PTH2R: variants seen among roughly 807,000 people sequenced by gnomAD.
The protein encoded by PTH2R is PTH2 receptor.
A neutral mutation model predicts 60.3 loss-of-function variants in PTH2R; 59 were observed. The ratio of observed to expected loss-of-function variants is 0.98; its 90% confidence interval spans 0.79 to 1.22. The LOEUF (loss-of-function observed/expected upper bound fraction) is 1.22, where lower values mean the gene tolerates loss of function less well. Ranked by LOEUF, PTH2R falls within the 50% of genes most tolerant of loss-of-function variation. The pLI, the probability that PTH2R is intolerant of heterozygous loss-of-function variation, is 0.00. For missense variants in PTH2R, 749 were observed against 682.6 expected (o/e 1.10, Z -1.08); for synonymous variants, 256 against 243.8 (o/e 1.05, Z -0.47).
At chr2:208,417,694 C>T (rs1333433993) in intron 1 of PTH2R, among the ~76,000 whole-genome samples, 2 of 151,822 alleles carry the variant, frequency 1.3e-5, no homozygotes, top group African/African-American at 4.8e-5. Flanking sequence ...GGATTATGGG[C>T]ACATGCCACC....
chr2:208,430,482 C>A (rs1701947238), intron 2 of PTH2R, among the ~76,000 whole-genome samples: 1 of 150,188 alleles, frequency 6.7e-6, no homozygotes, highest in African/African-American at 2.4e-5. Context: ...TTCTAGCTTC[C>A]ATTGTTATTA....
chr2:208,407,653 T>G (rs1701445005), intron 1 of PTH2R, among the ~76,000 whole-genome samples: 1 of 152,266 alleles, frequency 6.6e-6, no homozygotes, highest in African/African-American at 2.4e-5. Context: ...TGTTAAGCGG[T>G]GGCTGTCACT....
At position 208,381,914 on chromosome 2, in the gene PTH2R, C is replaced by G. The variant is rs556515077; in HGVS notation, c.-259+21677C>G. On this transcript the variant is annotated intron_variant, in intron 1 of 12. Coordinates refer to the PTH2R transcript ENST00000617735. ...ATATCTGCACATTTGATTCTTGGAC[C>G]CTGGGTAGGAATTTGTTAGAGAGCA... is the stretch of plus-strand genomic sequence containing the variant. Among the ~76,000 whole-genome samples the G allele has an allele frequency of 3.9e-5, 6 of 152,040 alleles. No individual in the cohort carries two copies. The South Asian group carries it at 1.2e-3, about 32-fold the overall frequency.
chr2:208,453,429 C>T (rs1204926703), intron 8 of PTH2R, among the ~76,000 whole-genome samples: 1 of 152,154 alleles, frequency 6.6e-6, no homozygotes, highest in African/African-American at 2.4e-5. Flanking sequence ...TATCAAATTC[C>T]TGCAGCATTT....
At position 208,424,328 on chromosome 2, in the gene PTH2R, G is replaced by C. The variant is rs1340390336; in HGVS notation, c.76-3873G>C. Among the ~76,000 whole-genome samples, 3 of 152,316 alleles carry C rather than the reference G, an allele frequency of 2.0e-5. No individual in the cohort carries two copies. The East Asian group carries it at 5.8e-4, about 29-fold the overall frequency. On this transcript the variant is annotated intron_variant, in intron 1 of 12. Coordinates refer to ENST00000272847, the MANE Select transcript of PTH2R (RefSeq NM_005048.4). ...TTGGGTTGGGTTTGTGAGACAGCAT[G>C]TCAGGCAAGTGTTCTTGTATAAGTG...
chr2:208,366,348 A>G (rs1485647328), intron 1 of PTH2R, among the ~76,000 whole-genome samples: 1 of 152,080 alleles, frequency 6.6e-6, no homozygotes, highest in African/African-American at 2.4e-5. Context: ...GTCTTCTCTT[A>G]TAATCCTTTC....
At chr2:208,468,510 C>T (rs1284021347) in intron 9 of PTH2R, among the ~76,000 whole-genome samples, 1 of 152,188 alleles carries the variant, frequency 6.6e-6, no homozygotes, top group African/African-American at 2.4e-5. Flanking sequence ...CTCACTGATG[C>T]TTGTGCCTCT....
intron 1 of PTH2R, among the ~76,000 whole-genome samples, chr2:208,409,279 A>G (rs1036206010): frequency 1.3e-5 from 2 of 152,178 alleles, no homozygotes; most frequent in Non-Finnish European, 2.9e-5. Flanking sequence ...CAAAAGAGTC[A>G]TATTGGGCTA....
chr2:208,420,309 A>G (rs1282931607), intron 1 of PTH2R, among the ~76,000 whole-genome samples: 1 of 152,162 alleles, frequency 6.6e-6, no homozygotes, highest in East Asian at 1.9e-4. Context: ...AGAAAAAAAA[A>G]GTGAAGTCAA....
At chr2:208,362,956 A>G (rs1001907759) in intron 1 of PTH2R, among the ~76,000 whole-genome samples, 1 of 151,950 alleles carries the variant, frequency 6.6e-6, no homozygotes, top group African/African-American at 2.4e-5. Flanking sequence ...ATCCTTCCAT[A>G]TGCTTGTTGG....
At chr2:208,426,909 T>C (rs10208063) in intron 1 of PTH2R, among the ~76,000 whole-genome samples, 1,783 of 152,288 alleles carry the variant, frequency 0.012, 42 homozygotes, top group African/African-American at 0.041. Context: ...TTTAGCACAT[T>C]CTGATCATAC....
At chr2:208,471,686 T>A (rs912066248) in intron 9 of PTH2R, among the ~76,000 whole-genome samples, 1 of 152,324 alleles carries the variant, frequency 6.6e-6, no homozygotes, top group Admixed American at 6.5e-5. Context: ...AAATGGGGGT[T>A]GGAGCTGCCA....
At position 208,493,733 on chromosome 2, in the gene PTH2R, A is replaced by C; in HGVS notation, c.*74A>C. The C allele has an allele frequency of 6.9e-7, 1 of 1,443,330 alleles. No homozygotes were observed. Among genetic ancestry groups the C allele is most frequent in the Non-Finnish European group, 9.2e-7 (1 of 1,085,258 alleles). The allele number at this position is 1,443,330 out of a possible 1,614,324, so 89.4% of individuals were successfully genotyped here. ...GTGAGAGGGCTTGGCTGATACTCCT[A>C]TGCTTGAGTTCAAAGGCTGAAAATT... On this transcript the variant is annotated 3_prime_UTR_variant, in exon 13 of 13. Coordinates refer to ENST00000272847, the MANE Select transcript of PTH2R (RefSeq NM_005048.4).
chr2:208,388,212 G>A (rs1701043219), intron 1 of PTH2R, among the ~76,000 whole-genome samples: 2 of 151,350 alleles, frequency 1.3e-5, no homozygotes, highest in South Asian at 4.2e-4. Flanking sequence ...AGCTACTCGG[G>A]AGGCTGAGGC....
intron 9 of PTH2R, among the ~76,000 whole-genome samples, chr2:208,464,437 G>A (rs1206131712): frequency 2.6e-5 from 4 of 152,306 alleles, no homozygotes; most frequent in East Asian, 1.9e-4. Context: ...CCAGGTCTGC[G>A]TGAAGATGTA....
rs138641767 is a variant in PTH2R at position 208,397,484 on chromosome 2, C to T, written c.-258-30717C>T. ...TGGTCTTGCACCGGTTTGAATAAAACGACACAGACACATGTGGAGTGGCTT... is the reference window on the plus strand; with the variant it reads ...TGGTCTTGCACCGGTTTGAATAAAATGACACAGACACATGTGGAGTGGCTT... On this transcript the variant is annotated intron_variant, in intron 1 of 12. Coordinates refer to the PTH2R transcript ENST00000617735. 1.4e-4 allele frequency among the ~76,000 whole-genome samples: 21 copies of T among 152,148 alleles called. 1 individual carries two copies. Among genetic ancestry groups the T allele is most frequent in the South Asian group, 6.2e-4 (3 of 4,812 alleles).
At chr2:208,444,694 A>C in intron 6 of PTH2R, 40 bp from the exon 7 acceptor site, 1 of 1,584,642 alleles carries the variant, frequency 6.3e-7, no homozygotes, top group Non-Finnish European at 8.6e-7. Context: ...AGTACAACAA[A>C]GTGTTCTAAT....
intron 8 of PTH2R, among the ~76,000 whole-genome samples, chr2:208,454,128 C>T (rs558613112): frequency 7.9e-4 from 120 of 151,954 alleles, no homozygotes; most frequent in African/African-American, 2.8e-3. Context: ...CTGTGTTTCT[C>T]TTGAGGGGCT....
At chr2:208,404,696 A>T (rs1466002277), upstream of PTH2R, among the ~76,000 whole-genome samples, 4 of 152,156 alleles carry the variant, frequency 2.6e-5, no homozygotes, top group Non-Finnish European at 4.4e-5. Context: ...ACTGCACATC[A>T]GTTTGGAGTC....
Sources: gnomAD v4.1 joint callset for allele counts (sites outside exome capture counted in the v4.1 genomes callset) on GRCh38, gnomAD v4.1.1 for gene constraint, MANE v1.5 for transcripts, NCBI Gene and HGNC (gene_info 2026-07-23, HGNC 2026-07-21) for gene names.